Variants in GLI3 observed in about 807,000 individuals in gnomAD.
GLI3 encodes transcription activator GLI3.
In GLI3, 20 loss-of-function variants were observed where a neutral mutation model predicts 100.8. The ratio of observed to expected loss-of-function variants is 0.20; its 90% CI spans 0.14 to 0.29. GLI3 has a LOEUF of 0.29. GLI3 is among the 10% of genes least tolerant of loss of function. The pLI, the probability that GLI3 is intolerant of heterozygous loss-of-function variation, is 1.00. For missense variants in GLI3, 2,040 were observed against 2,128.5 expected (o/e 0.96, Z 0.82); for synonymous variants, 938 against 860.5 (o/e 1.09, Z -1.58).
chr7:42,217,472 G>A lies in GLI3; in HGVS notation c.124+5658C>T, dbSNP rs184610565. Among the ~76,000 whole-genome samples the A allele has an allele frequency of 3.9e-5, 6 of 152,264 alleles. No individual in the cohort carries two copies. In the East Asian group the frequency reaches 1.2e-3, roughly 29 times the overall value. On this transcript the variant is annotated intron_variant, in intron 2 of 14. Coordinates refer to ENST00000395925, the MANE Select transcript of GLI3 (RefSeq NM_000168.6). Reference sequence around the variant, plus strand: ...AAAAATAAAATCTAATTCGAATACAGCACAAACCACCAGTTCAACCCAGGA... The same window carrying A: ...AAAAATAAAATCTAATTCGAATACAACACAAACCACCAGTTCAACCCAGGA...
At chr7:41,991,661 A>T (rs1268282521) in intron 10 of GLI3, among the ~76,000 whole-genome samples, 1 of 152,214 alleles carries the variant, frequency 6.6e-6, no homozygotes, top group Non-Finnish European at 1.5e-5. Context: ...CATATATGAG[A>T]CATAGGCATT....
intron 4 of GLI3, among the ~76,000 whole-genome samples, chr7:42,074,091 A>G (rs1169040872): frequency 6.6e-6 from 1 of 152,040 alleles, no homozygotes; most frequent in African/African-American, 2.4e-5. Context: ...CAGAATAGAA[A>G]CTCCCAGTAT....
intron 10 of GLI3, among the ~76,000 whole-genome samples, chr7:42,020,889 CAAAAAAAAAAA>C (rs371389453): frequency 1.3e-4 from 15 of 113,112 alleles, no homozygotes; most frequent in South Asian, 6.1e-4. Context: ...GACTCCGTCT[CAAAAAAAAAAA>C]AAAAAAAAAA....
intron 10 of GLI3, among the ~76,000 whole-genome samples, chr7:42,007,602 A>G (rs1788493875): frequency 6.6e-6 from 1 of 152,242 alleles, no homozygotes; most frequent in Non-Finnish European, 1.5e-5. Context: ...GGATCTCAGA[A>G]TAAAATGTAT....
chr7:42,057,876 G>A (rs1784494190), intron 4 of GLI3, among the ~76,000 whole-genome samples: 1 of 152,020 alleles, frequency 6.6e-6, no homozygotes, highest in South Asian at 2.1e-4. Flanking sequence ...GAGACTGAAA[G>A]GCAGCAGGGG....
chr7:42,014,814 A>T (rs1280646584), intron 10 of GLI3, among the ~76,000 whole-genome samples: 1 of 152,158 alleles, frequency 6.6e-6, no homozygotes, highest in African/African-American at 2.4e-5. Flanking sequence ...CAATTTCTGT[A>T]GTGGCCACCA....
At chr7:42,207,930 G>A (rs1242001824) in intron 2 of GLI3, among the ~76,000 whole-genome samples, 3 of 152,148 alleles carry the variant, frequency 2.0e-5, no homozygotes, top group African/African-American at 7.2e-5. Flanking sequence ...GGCCAAGGTG[G>A]GTAGAACACC....
intron 2 of GLI3, among the ~76,000 whole-genome samples, chr7:42,160,362 G>C (rs1787102968): frequency 6.6e-6 from 1 of 152,104 alleles, no homozygotes; most frequent in Admixed American, 6.5e-5. Flanking sequence ...TCAGATTTTG[G>C]AATATTTGCA....
chr7:42,146,617 C>T (rs1029900911), intron 3 of GLI3, among the ~76,000 whole-genome samples: 3 of 152,136 alleles, frequency 2.0e-5, no homozygotes, highest in Non-Finnish European at 4.4e-5. Context: ...TGTGTTCACA[C>T]ATAAGAACAA....
intron 9 of GLI3, among the ~76,000 whole-genome samples, chr7:42,023,984 C>A (rs1789025207): frequency 6.6e-6 from 1 of 152,090 alleles, no homozygotes; most frequent in Admixed American, 6.6e-5. Context: ...CAAATCAGGT[C>A]TTTACCCAAA....
At chr7:42,087,032 G>T (rs1014413101) in intron 3 of GLI3, among the ~76,000 whole-genome samples, 1 of 152,148 alleles carries the variant, frequency 6.6e-6, no homozygotes, top group African/African-American at 2.4e-5. Context: ...CAGGAGGTCT[G>T]GGGTGTGAGG....
chr7:42,096,958 C>T lies in GLI3; in HGVS notation c.368-20101G>A, dbSNP rs573701991. On this transcript the variant is annotated intron_variant, in intron 3 of 14. Coordinates refer to ENST00000395925, the MANE Select transcript of GLI3 (RefSeq NM_000168.6). ...GTTCACAGCAGCTGCGGTTGCTCTGCGGCCAGCCTAAGGGATGTTTAATAA... is the reference window on the plus strand; with the variant it reads ...GTTCACAGCAGCTGCGGTTGCTCTGTGGCCAGCCTAAGGGATGTTTAATAA... 1.3e-3 allele frequency among the ~76,000 whole-genome samples: 198 copies of T among 152,330 alleles called. 1 individual carries two copies. Among genetic ancestry groups the T allele is most frequent in the African/African-American group, 4.3e-3 (179 of 41,566 alleles).
At chr7:42,100,391 G>A (rs992829916) in intron 3 of GLI3, among the ~76,000 whole-genome samples, 1 of 152,194 alleles carries the variant, frequency 6.6e-6, no homozygotes, top group African/African-American at 2.4e-5. Context: ...AATCAGGTTA[G>A]ATGAGGTCAT....
chr7:42,225,799 AC>A (rs1481938922), intron 1 of GLI3, among the ~76,000 whole-genome samples: 25 of 152,284 alleles, frequency 1.6e-4, no homozygotes, highest in African/African-American at 6.0e-4. Context: ...CTATCCTAGC[AC>A]CCATCACAAT....
At chr7:42,084,962 A>G (rs1331997000) in intron 3 of GLI3, among the ~76,000 whole-genome samples, 2 of 116,910 alleles carry the variant, frequency 1.7e-5, no homozygotes, top group Admixed American at 2.6e-4. Flanking sequence ...CCCAGGCTGG[A>G]CTGCAGTGGC....
chr7:42,260,975 C>G (rs567692858), intron 1 of GLI3, among the ~76,000 whole-genome samples: 1 of 152,280 alleles, frequency 6.6e-6, no homozygotes, highest in African/African-American at 2.4e-5. Flanking sequence ...AGAGCATACT[C>G]TCTGTGTTAG....
In GLI3 at chr7:41,964,065, T is replaced by G. The variant is rs201493390; in HGVS notation, c.*265A>C. 7,878 of 115,564 alleles carry G rather than the reference T, an allele frequency of 0.068. 161 individuals are homozygous for G. The highest frequency in any genetic ancestry group is 0.092 in the Non-Finnish European group (5,601 of 60,866). 7.2% of individuals were successfully genotyped at this position (115,564 alleles called of 1,614,324 possible). A position where few individuals can be genotyped will look rare whatever the true frequency, so the allele number is the denominator to read the frequency against. ...ACTAAAAAGGGGGCGGGGCTTACAG[T>G]TTTTTTTTTTTTTTTTAAAAAGAGG... On this transcript the variant is annotated 3_prime_UTR_variant, in exon 15 of 15. Transcript: ENST00000395925.
intron 10 of GLI3, among the ~76,000 whole-genome samples, chr7:41,985,174 C>T (rs1787784216): frequency 6.6e-6 from 1 of 152,200 alleles, no homozygotes; most frequent in South Asian, 2.1e-4. Flanking sequence ...CATTAAGATG[C>T]CACCATTTGT....
chr7:42,036,460 G>C (rs1029129491), intron 7 of GLI3, among the ~76,000 whole-genome samples: 4 of 152,136 alleles, frequency 2.6e-5, no homozygotes, highest in Admixed American at 6.5e-5. Context: ...TTGGCTTTTT[G>C]GTGCTTGTGT....
Sources: gnomAD v4.1 joint callset for allele counts (sites outside exome capture counted in the v4.1 genomes callset) on GRCh38, gnomAD v4.1.1 for gene constraint, MANE v1.5 for transcripts, NCBI Gene and HGNC (gene_info 2026-07-23, HGNC 2026-07-21) for gene names.